The following KLHL2 variants were observed in gnomAD, a reference collection of about 807,000 sequenced individuals.
KLHL2 encodes kelch-like protein 2.
In KLHL2, 15 loss-of-function variants were observed where a neutral mutation model predicts 75.8. That is an observed-to-expected ratio of 0.20 (90% CI 0.13 to 0.30). KLHL2 has a LOEUF of 0.30. KLHL2 is among the 10% of genes least tolerant of loss of function. KLHL2 has a pLI of 1.00. For missense variants in KLHL2, 381 were observed against 741.0 expected, an observed-to-expected ratio of 0.51 and a Z score of 5.64; for synonymous variants, 214 against 251.9, an observed-to-expected ratio of 0.85 and a Z score of 1.42.
chr4:165,216,814 G>C (rs987539259), intron 1 of KLHL2, among the ~76,000 whole-genome samples: 14 of 152,056 alleles, frequency 9.2e-5, no homozygotes, highest in Non-Finnish European at 1.9e-4. Flanking sequence ...AGTGACTCTC[G>C]GTACAGAGAA....
intron 1 of KLHL2, among the ~76,000 whole-genome samples, chr4:165,213,508 A>G (rs1168655755): frequency 1.3e-5 from 2 of 152,158 alleles, no homozygotes; most frequent in Non-Finnish European, 2.9e-5. Flanking sequence ...CCAAGGCCCC[A>G]TTGGAGCCCC....
chr4:165,264,707 T>TATATATATATATAC (rs1173241939), intron 5 of KLHL2, among the ~76,000 whole-genome samples: 1 of 70,022 alleles, frequency 1.4e-5, no homozygotes, highest in Non-Finnish European at 2.8e-5. Flanking sequence ...TGTGTGTGTA[T>TATATATATATATAC]ATATATATAT....
intron 4 of KLHL2, among the ~76,000 whole-genome samples, chr4:165,250,027 G>C (rs1740568765): frequency 6.6e-6 from 1 of 152,048 alleles, no homozygotes; most frequent in Admixed American, 6.5e-5. Context: ...GGGAGGCTGA[G>C]GCAGGAGAAT....
chr4:165,222,913 A>G (rs1738119568), intron 2 of KLHL2, among the ~76,000 whole-genome samples: 1 of 152,210 alleles, frequency 6.6e-6, no homozygotes, highest in South Asian at 2.1e-4. Context: ...ACCTTTGGCT[A>G]ATGGAAGCAA....
At chr4:165,220,280 C>T (rs1207886751) in intron 2 of KLHL2, among the ~76,000 whole-genome samples, 4 of 150,962 alleles carry the variant, frequency 2.6e-5, no homozygotes, top group Non-Finnish European at 4.4e-5. Context: ...TAGCCACATA[C>T]AGCTAGTCTG....
At position 165,237,354 on chromosome 4, in the gene KLHL2, A is replaced by G. The variant is rs969151849; in HGVS notation, c.260-1424A>G. 2.9e-3 allele frequency among the ~76,000 whole-genome samples: 430 copies of G among 147,600 alleles called. 20 individuals are homozygous for G. The East Asian group carries it at 0.069, about 24-fold the overall frequency. ...CAACTCAGTCCCCTTTCATCCTGCT[A>G]TGTAGGTATAGGTACATCTTTCTCA... On this transcript the variant is annotated intron_variant, in intron 3 of 14. Coordinates refer to ENST00000226725, the MANE Select transcript of KLHL2 (RefSeq NM_007246.4).
intron 5 of KLHL2, among the ~76,000 whole-genome samples, chr4:165,272,375 A>G (rs1323917541): frequency 1.3e-5 from 2 of 152,134 alleles, no homozygotes; most frequent in African/African-American, 4.8e-5. Flanking sequence ...AATTCTGTTC[A>G]ACTAAGTAGA....
At chr4:165,244,170 T>C (rs1034321412) in intron 4 of KLHL2, among the ~76,000 whole-genome samples, 1 of 152,228 alleles carries the variant, frequency 6.6e-6, no homozygotes, top group African/African-American at 2.4e-5. Flanking sequence ...TTGAAAACAT[T>C]TATTTTTTTT....
chr4:165,211,911 A>G (rs1737223909), intron 1 of KLHL2, among the ~76,000 whole-genome samples: 1 of 152,194 alleles, frequency 6.6e-6, no homozygotes, highest in Non-Finnish European at 1.5e-5. Flanking sequence ...CTATTAGTAA[A>G]TGTGCTTTTC....
intron 1 of KLHL2, among the ~76,000 whole-genome samples, chr4:165,209,149 G>T (rs1737037500): frequency 1.3e-5 from 2 of 152,138 alleles, no homozygotes; most frequent in Non-Finnish European, 2.9e-5. Context: ...GTCACCTCTC[G>T]ATAGCTGTGG....
intron 3 of KLHL2, 95 bp from the exon 4 acceptor site, chr4:165,238,683 A>G: frequency 1.3e-6 from 2 of 1,583,586 alleles, no homozygotes; most frequent in Non-Finnish European, 1.7e-6. Flanking sequence ...TGTTGAATAC[A>G]GTGAGTGGCA....
chr4:165,314,117 T>C lies in KLHL2; in HGVS notation c.1560T>C (p.Thr520=). ...RKSVEVYDPT[T]NAWRQVADMN... is the part of the protein sequence containing the mutation. ...GTGTTGAAGTATATGATCCCACCAC[T>C]AACGCATGGAGACAGGTTGCAGATA... Residue 520 remains threonine (T), a synonymous_variant, in exon 13 of 15, where the codon ACT becomes ACC. Coordinates refer to ENST00000226725, the MANE Select transcript of KLHL2 (RefSeq NM_007246.4). 6.2e-7 allele frequency: 1 copy of C among 1,613,688 alleles called. No individual in the cohort carries two copies. Among genetic ancestry groups the C allele is most frequent in the Non-Finnish European group, 8.5e-7 (1 of 1,179,696 alleles).
rs755191091 is a variant in KLHL2 at position 165,318,012 on chromosome 4, C to T, written c.1753+43C>T. 8.0e-5 allele frequency: 127 copies of T among 1,584,238 alleles called. 4 individuals carry two copies. In the South Asian group the frequency reaches 1.4e-3, roughly 17 times the overall value. Reference sequence around the variant, plus strand: ...AGTCAATTTCCGTACAAAAAGATGACCTCATTATGAATGTTATATTAACGA... The same window carrying T: ...AGTCAATTTCCGTACAAAAAGATGATCTCATTATGAATGTTATATTAACGA... On this transcript the variant is annotated intron_variant, in intron 14 of 14. Transcript: ENST00000226725.
intron 6 of KLHL2, among the ~76,000 whole-genome samples, chr4:165,295,841 A>C (rs137886880): frequency 2.9e-3 from 439 of 152,340 alleles, no homozygotes; most frequent in Non-Finnish European, 4.6e-3. Flanking sequence ...TAAAATTAGA[A>C]GATGATATAA....
At chr4:165,213,277 TC>T (rs1737323550) in intron 1 of KLHL2, among the ~76,000 whole-genome samples, 1 of 152,158 alleles carries the variant, frequency 6.6e-6, no homozygotes, top group Admixed American at 6.5e-5. Context: ...CATCCTTCAG[TC>T]CCCACACTGT....
intron 5 of KLHL2, among the ~76,000 whole-genome samples, chr4:165,268,253 T>A (rs1344277065): frequency 6.6e-6 from 1 of 152,096 alleles, no homozygotes; most frequent in Non-Finnish European, 1.5e-5. Context: ...TGGATTTTTT[T>A]AAAAAACCAC....
intron 9 of KLHL2, 56 bp downstream of exon 9, chr4:165,305,781 T>C: frequency 8.7e-7 from 1 of 1,150,292 alleles, no homozygotes; most frequent in Non-Finnish European, 1.3e-6. Flanking sequence ...GGAGCTTCTT[T>C]TTCAGGTCTT....
At chr4:165,235,736 G>A (rs893235092) in intron 3 of KLHL2, among the ~76,000 whole-genome samples, 49 of 151,784 alleles carry the variant, frequency 3.2e-4, no homozygotes, top group African/African-American at 1.1e-3. Flanking sequence ...ATCCAGCCAT[G>A]GGCCACTAAC....
At chr4:165,308,198 C>G (rs1461442863) in intron 9 of KLHL2, among the ~76,000 whole-genome samples, 1 of 152,088 alleles carries the variant, frequency 6.6e-6, no homozygotes, top group African/African-American at 2.4e-5. Flanking sequence ...TGTTTCTTGG[C>G]AAGTTTATTT....
Sources: allele counts gnomAD v4.1 joint callset (sites outside exome capture counted in the v4.1 genomes callset), GRCh38; gene constraint gnomAD v4.1.1; transcripts MANE v1.5; gene names NCBI Gene and HGNC (gene_info 2026-07-23, HGNC 2026-07-21).